The following NTM variants were observed in gnomAD, a reference collection of about 807,000 sequenced individuals.
The protein encoded by NTM is neurotrimin.
NTM carries 13 observed loss-of-function variants against 42.1 expected under a neutral mutation model. The observed-to-expected ratio is 0.31, with a 90% CI of 0.20 to 0.49. NTM has a LOEUF of 0.49. Among genes scored for constraint, NTM ranks in the 20% least tolerant of loss-of-function variants. The probability of loss-of-function intolerance (pLI) is 0.99; values close to 1 mark genes in which losing one functional copy is unlikely to be tolerated. For missense variants in NTM, 373 were observed against 452.8 expected (o/e 0.82, Z 1.60); for synonymous variants, 187 against 179.2 (o/e 1.04, Z -0.35).
chr11:131,408,594 C>A (rs1224600232), intron 1 of NTM, among the ~76,000 whole-genome samples: 1 of 152,194 alleles, frequency 6.6e-6, no homozygotes, highest in Non-Finnish European at 1.5e-5. Context: ...GAGTTCATTG[C>A]AGAACCTTAT....
At chr11:132,223,140 G>T (rs141869585) in intron 4 of NTM, among the ~76,000 whole-genome samples, 19 of 152,276 alleles carry the variant, frequency 1.2e-4, no homozygotes, top group African/African-American at 4.3e-4. Context: ...TAACTTATTT[G>T]TTCAGTAATT....
chr11:131,674,195 A>C (rs2070945570), intron 1 of NTM, among the ~76,000 whole-genome samples: 1 of 152,222 alleles, frequency 6.6e-6, no homozygotes, highest in African/African-American at 2.4e-5. Context: ...TTTCCCAGAG[A>C]AGCAGACGTG....
chr11:132,262,711 A>G (rs2092940170), intron 4 of NTM, among the ~76,000 whole-genome samples: 1 of 152,176 alleles, frequency 6.6e-6, no homozygotes, highest in Non-Finnish European at 1.5e-5. Context: ...ATTTTGGAGG[A>G]ACACAAACAT....
At chr11:131,666,024 A>C (rs1393756728) in intron 1 of NTM, among the ~76,000 whole-genome samples, 1 of 152,238 alleles carries the variant, frequency 6.6e-6, no homozygotes, top group African/African-American at 2.4e-5. Context: ...ATACACAGTA[A>C]ATGTGATGTT....
chr11:131,918,323 C>T (rs487303), intron 2 of NTM, among the ~76,000 whole-genome samples: 37,730 of 152,040 alleles, frequency 0.25, 6,118 homozygotes, highest in East Asian at 0.72. Context: ...CATTTATCAC[C>T]GTATTCTCTC....
At chr11:131,543,287 G>A (rs1037436415) in intron 1 of NTM, among the ~76,000 whole-genome samples, 1 of 152,148 alleles carries the variant, frequency 6.6e-6, no homozygotes, top group Non-Finnish European at 1.5e-5. Flanking sequence ...TCTCCTCTCT[G>A]AAGGCTACTC....
chr11:131,670,109 C>T (rs2134618725), intron 1 of NTM, among the ~76,000 whole-genome samples: 1 of 152,212 alleles, frequency 6.6e-6, no homozygotes, highest in East Asian at 1.9e-4. Flanking sequence ...GTCTCTGACT[C>T]CTCATTTGTA....
intron 1 of NTM, among the ~76,000 whole-genome samples, chr11:131,473,327 T>C (rs1445168701): frequency 1.3e-5 from 2 of 152,014 alleles, no homozygotes; most frequent in African/African-American, 4.8e-5. Flanking sequence ...TGACAACTGC[T>C]CCAAGAGGGT....
intron 1 of NTM, among the ~76,000 whole-genome samples, chr11:131,461,729 G>A (rs1951396533): frequency 6.6e-6 from 1 of 152,138 alleles, no homozygotes; most frequent in Non-Finnish European, 1.5e-5. Context: ...CTGAGGCAAT[G>A]GGTATATTAT....
At chr11:131,691,205 C>A (rs146764376) in intron 1 of NTM, among the ~76,000 whole-genome samples, 317 of 152,294 alleles carry the variant, frequency 2.1e-3, no homozygotes, top group African/African-American at 7.0e-3. Flanking sequence ...TACGGCCCGT[C>A]CCCCCGCAGT....
intron 2 of NTM, among the ~76,000 whole-genome samples, chr11:132,033,114 T>A (rs1357619326): frequency 2.6e-5 from 4 of 152,204 alleles, no homozygotes; most frequent in African/African-American, 9.7e-5. Flanking sequence ...AAAAGCTTTT[T>A]CTTTGTGCCC....
rs372026465 is a variant in NTM at position 131,452,117 on chromosome 11, G to A, written c.82+81229G>A. On this transcript the variant is annotated intron_variant, in intron 1 of 8. Transcript: ENST00000683400. ...GGGCACAGCTTCCTCGAAAAGAAGT[G>A]GGGGGAGGGATTGATGCTATTTTAT... 6.6e-5 allele frequency among the ~76,000 whole-genome samples: 10 copies of A among 152,314 alleles called. No homozygotes were observed. The South Asian group carries it at 1.9e-3, about 28-fold the overall frequency.
intron 1 of NTM, among the ~76,000 whole-genome samples, chr11:131,808,824 C>G (rs1323970007): frequency 6.6e-6 from 1 of 152,168 alleles, no homozygotes; most frequent in South Asian, 2.1e-4. Context: ...GAAGCATGCC[C>G]GTGCACACGC....
At chr11:132,247,333 A>G (rs2091323898) in intron 4 of NTM, among the ~76,000 whole-genome samples, 1 of 152,236 alleles carries the variant, frequency 6.6e-6, no homozygotes, top group African/African-American at 2.4e-5. Flanking sequence ...CTTAGTTGCT[A>G]TGAGGCTCCT....
At chr11:131,774,020 AAT>A in intron 1 of NTM, 2 of 984,354 alleles carry the variant, frequency 2.0e-6, no homozygotes, top group Non-Finnish European at 2.4e-6. Flanking sequence ...TTTTAAACAA[AAT>A]AGTCAATAGC....
chr11:131,430,877 G>C (rs557988753), intron 1 of NTM, among the ~76,000 whole-genome samples: 1 of 152,204 alleles, frequency 6.6e-6, no homozygotes, highest in South Asian at 2.1e-4. Context: ...AGCGTTCTGC[G>C]GGCTGCCGCC....
intron 1 of NTM, among the ~76,000 whole-genome samples, chr11:131,519,995 A>G (rs2049403415): frequency 6.6e-6 from 1 of 151,590 alleles, no homozygotes; most frequent in East Asian, 1.9e-4. Flanking sequence ...GGTAGTTATG[A>G]CCAGCCCAAC....
intron 2 of NTM, among the ~76,000 whole-genome samples, chr11:132,088,704 C>T (rs1410414391): frequency 1.3e-5 from 2 of 152,112 alleles, no homozygotes; most frequent in Non-Finnish European, 2.9e-5. Flanking sequence ...CTTTACAGGG[C>T]ATGTGCTAAG....
At chr11:132,273,325 T>G (rs940051932) in intron 4 of NTM, among the ~76,000 whole-genome samples, 2 of 145,802 alleles carry the variant, frequency 1.4e-5, no homozygotes, top group Non-Finnish European at 3.0e-5. Context: ...TTTTTTTTTT[T>G]TTTTTTTTTT....
Sources: allele counts gnomAD v4.1 joint callset (sites outside exome capture counted in the v4.1 genomes callset), GRCh38; gene constraint gnomAD v4.1.1; transcripts MANE v1.5; gene names NCBI Gene and HGNC (gene_info 2026-07-23, HGNC 2026-07-21).